TMEM182: variants seen among roughly 807,000 people sequenced by gnomAD.
TMEM182 encodes transmembrane protein 182.
TMEM182 carries 20 observed loss-of-function variants against 26.8 expected under a neutral mutation model. That is an observed-to-expected ratio of 0.75 (90% CI 0.53 to 1.09). The LOEUF (loss-of-function observed/expected upper bound fraction) is 1.09, where lower values mean the gene tolerates loss of function less well. Ranked by LOEUF, TMEM182 falls within the 50% of genes least tolerant of loss-of-function variation. TMEM182 has a pLI of 0.00. For missense variants in TMEM182, 277 were observed against 275.5 expected (o/e 1.01, Z -0.04); for synonymous variants, 109 against 102.2 (o/e 1.07, Z -0.40).
intron 1 of TMEM182, among the ~76,000 whole-genome samples, chr2:102,742,170 A>G (rs1240622045): frequency 1.3e-5 from 2 of 152,162 alleles, no homozygotes; most frequent in Admixed American, 1.3e-4. Context: ...GGGATAATGT[A>G]AGCAGAGAGA....
chr2:102,812,425 A>ACACACACACACG (rs1169764694), intron 4 of TMEM182, among the ~76,000 whole-genome samples: 1 of 136,974 alleles, frequency 7.3e-6, no homozygotes, highest in African/African-American at 2.6e-5. Context: ...ACACACACAC[A>ACACACACACACG]CACACTGGTT....
intron 4 of TMEM182, among the ~76,000 whole-genome samples, chr2:102,804,026 C>A (rs1219863186): frequency 1.3e-5 from 2 of 152,248 alleles, no homozygotes; most frequent in Non-Finnish European, 2.9e-5. Context: ...GAGATCTGGG[C>A]TATAAATAGC....
intron 4 of TMEM182, among the ~76,000 whole-genome samples, chr2:102,802,285 G>A (rs1182198295): frequency 6.6e-6 from 1 of 152,206 alleles, no homozygotes; most frequent in Non-Finnish European, 1.5e-5. Flanking sequence ...ATCAGGCTGT[G>A]GGGTAGGAGC....
chr2:102,774,024 A>G (rs566318058), intron 3 of TMEM182, among the ~76,000 whole-genome samples: 2 of 152,210 alleles, frequency 1.3e-5, no homozygotes, highest in East Asian at 1.9e-4. Context: ...AAATTTTTAA[A>G]TTTTCACAGA....
chr2:102,759,808 G>A (rs1204642810), upstream of TMEM182, among the ~76,000 whole-genome samples: 1 of 152,122 alleles, frequency 6.6e-6, no homozygotes, highest in African/African-American at 2.4e-5. Flanking sequence ...ACTTCTAGAT[G>A]CACTCTATAT....
intron 3 of TMEM182, among the ~76,000 whole-genome samples, chr2:102,831,825 T>A (rs1683155819): frequency 6.6e-6 from 1 of 151,936 alleles, no homozygotes; most frequent in African/African-American, 2.4e-5. Context: ...TGGGATATGC[T>A]TCTTAATGGG....
At chr2:102,796,392 CT>C (rs1681869479) in intron 3 of TMEM182, among the ~76,000 whole-genome samples, 4 of 152,178 alleles carry the variant, frequency 2.6e-5, no homozygotes, top group Admixed American at 2.6e-4. Flanking sequence ...TGAGCTGCTT[CT>C]TGTTGTTAAT....
intron 2 of TMEM182, among the ~76,000 whole-genome samples, chr2:102,762,960 A>G (rs948410703): frequency 6.6e-6 from 1 of 152,104 alleles, no homozygotes; most frequent in South Asian, 2.1e-4. Context: ...GAATACACTA[A>G]CTCTAACAAA....
At chr2:102,797,793 T>C in intron 3 of TMEM182, 70 bp from the exon 4 acceptor site, 1 of 1,530,094 alleles carries the variant, frequency 6.5e-7, no homozygotes. Flanking sequence ...CAACTGACTG[T>C]GACAATCTGC....
chr2:102,823,543 C>T (rs1200747205), intron 3 of TMEM182, among the ~76,000 whole-genome samples: 1 of 152,060 alleles, frequency 6.6e-6, no homozygotes, highest in African/African-American at 2.4e-5. Context: ...CTATGTTGGC[C>T]AGGCTGGTCT....
chr2:102,789,486 A>G (rs1444485617), intron 3 of TMEM182, among the ~76,000 whole-genome samples: 2 of 152,216 alleles, frequency 1.3e-5, no homozygotes, highest in African/African-American at 4.8e-5. Flanking sequence ...CTTGCAAATG[A>G]AAACCCGTAG....
rs115888246 is a variant in TMEM182 at position 102,805,466 on chromosome 2, A to G, written c.469+7466A>G. 7.7e-3 allele frequency among the ~76,000 whole-genome samples: 1,168 copies of G among 152,194 alleles called. 19 individuals carry two copies. The highest frequency in any genetic ancestry group is 0.027 in the African/African-American group (1,109 of 41,490). On this transcript the variant is annotated intron_variant, in intron 4 of 4. Transcript: ENST00000412401. ...GACCTTGTTGTCCACCCAACCTCCAACCTTGTTGGAGACATTCTGGTTCAC... is the reference window on the plus strand; with the variant it reads ...GACCTTGTTGTCCACCCAACCTCCAGCCTTGTTGGAGACATTCTGGTTCAC...
At chr2:102,773,284 GA>G (rs1015380979) in intron 3 of TMEM182, among the ~76,000 whole-genome samples, 6 of 151,978 alleles carry the variant, frequency 3.9e-5, no homozygotes, top group African/African-American at 1.5e-4. Flanking sequence ...TAGCTTGGCC[GA>G]TTACACAGTA....
chr2:102,826,192 G>A (rs956514606), intron 3 of TMEM182, among the ~76,000 whole-genome samples: 5 of 152,012 alleles, frequency 3.3e-5, no homozygotes, highest in Non-Finnish European at 7.4e-5. Flanking sequence ...GAAAACTTCT[G>A]CATCTGAAGC....
intron 1 of TMEM182, among the ~76,000 whole-genome samples, chr2:102,742,037 C>G (rs1015639156): frequency 3.3e-5 from 5 of 152,164 alleles, no homozygotes; most frequent in African/African-American, 1.2e-4. Flanking sequence ...AGAGACAAAG[C>G]AAGCGTTAGA....
chr2:102,762,815 G>A, intron 2 of TMEM182, 129 bp downstream of exon 2: 2 of 653,594 alleles, frequency 3.1e-6, no homozygotes, highest in South Asian at 2.4e-5. Flanking sequence ...GTCTTTAAAA[G>A]GTTCATCATG....
intron 3 of TMEM182, among the ~76,000 whole-genome samples, chr2:102,824,758 T>C: frequency 6.7e-6 from 1 of 148,594 alleles, no homozygotes; most frequent in Non-Finnish European, 1.5e-5. Context: ...ACCCAGGAGG[T>C]GGAGGTTGCA....
chr2:102,836,964 T>A (rs1184945250), intron 3 of TMEM182, among the ~76,000 whole-genome samples: 1 of 152,228 alleles, frequency 6.6e-6, no homozygotes. Flanking sequence ...CTCTCTTGAG[T>A]GCAACACATA....
intron 3 of TMEM182, among the ~76,000 whole-genome samples, chr2:102,779,220 GGT>G (rs1681054818): frequency 6.6e-6 from 1 of 151,948 alleles, no homozygotes; most frequent in South Asian, 2.1e-4. Flanking sequence ...CTTTATGTAA[GGT>G]GTTGTTCCTC....
Sources: gnomAD v4.1 joint callset for allele counts (sites outside exome capture counted in the v4.1 genomes callset) on GRCh38, gnomAD v4.1.1 for gene constraint, MANE v1.5 for transcripts, NCBI Gene and HGNC (gene_info 2026-07-23, HGNC 2026-07-21) for gene names.